The following TBC1D32 variants were observed in gnomAD, a reference collection of about 807,000 sequenced individuals.
The protein encoded by TBC1D32 is protein broad-minded.
Under a neutral mutation model 170.3 loss-of-function variants are expected in TBC1D32, and 151 were observed. The ratio of observed to expected loss-of-function variants is 0.89; its 90% confidence interval spans 0.78 to 1.01. TBC1D32 has a LOEUF of 1.01. Among genes scored for constraint, TBC1D32 ranks in the 50% least tolerant of loss-of-function variants. The pLI is 0.00. For missense variants in TBC1D32, 1,464 were observed against 1,457.1 expected, an observed-to-expected ratio of 1.00 and a Z score of -0.08; for synonymous variants, 498 against 488.0, an observed-to-expected ratio of 1.02 and a Z score of -0.27.
At chr6:121,212,152 G>GC (rs996679220) in intron 21 of TBC1D32, among the ~76,000 whole-genome samples, 3 of 151,738 alleles carry the variant, frequency 2.0e-5, no homozygotes, top group African/African-American at 7.3e-5. Flanking sequence ...GGACACATAT[G>GC]CCCCCCCAAG....
At chr6:121,229,669 G>A (rs1036809704) in intron 20 of TBC1D32, among the ~76,000 whole-genome samples, 3 of 152,028 alleles carry the variant, frequency 2.0e-5, no homozygotes, top group Non-Finnish European at 4.4e-5. Context: ...AAATGATGAC[G>A]TTCTACTTCC....
At chr6:121,298,334 A>G (rs1231603454) in intron 10 of TBC1D32, among the ~76,000 whole-genome samples, 1 of 152,090 alleles carries the variant, frequency 6.6e-6, no homozygotes, top group Non-Finnish European at 1.5e-5. Flanking sequence ...AAGTCAAGGT[A>G]TAGTTAACTT....
At chr6:121,187,757 A>C (rs950105906) in intron 22 of TBC1D32, among the ~76,000 whole-genome samples, 2 of 19,122 alleles carry the variant, frequency 1.0e-4, no homozygotes, top group African/African-American at 1.7e-4. Flanking sequence ...TCAGGGCCAA[A>C]AAAAAAAAAA....
At chr6:121,124,694 C>T (rs1171030363) in intron 26 of TBC1D32, among the ~76,000 whole-genome samples, 2 of 151,930 alleles carry the variant, frequency 1.3e-5, no homozygotes, top group African/African-American at 4.8e-5. Flanking sequence ...GTTATATATC[C>T]TATAAGCTTT....
intron 22 of TBC1D32, among the ~76,000 whole-genome samples, chr6:121,181,625 G>A (rs1188113698): frequency 2.0e-5 from 3 of 151,920 alleles, no homozygotes; most frequent in Non-Finnish European, 4.4e-5. Context: ...CCACTGCTGG[G>A]TATATATGCA....
intron 20 of TBC1D32, among the ~76,000 whole-genome samples, chr6:121,235,738 A>G (rs535855785): frequency 6.6e-6 from 1 of 152,286 alleles, no homozygotes; most frequent in Non-Finnish European, 1.5e-5. Context: ...TGCAGCAGTG[A>G]TCCAGTTCCT....
chr6:121,091,987 T>A (rs984503048), intron 30 of TBC1D32, among the ~76,000 whole-genome samples: 5 of 152,094 alleles, frequency 3.3e-5, no homozygotes, highest in African/African-American at 1.2e-4. Flanking sequence ...GCAATATGTA[T>A]CTGCAAGCTA....
intron 24 of TBC1D32, among the ~76,000 whole-genome samples, chr6:121,148,391 G>C (rs1300575880): frequency 6.6e-6 from 1 of 152,076 alleles, no homozygotes; most frequent in Non-Finnish European, 1.5e-5. Context: ...ATCACTGATG[G>C]GCATTTGGGT....
At chr6:121,228,736 A>C (rs1005869927) in intron 20 of TBC1D32, among the ~76,000 whole-genome samples, 8 of 152,100 alleles carry the variant, frequency 5.3e-5, no homozygotes, top group African/African-American at 1.9e-4. Context: ...ACCGAGTATA[A>C]TATTCTATAA....
At chr6:121,156,800 A>G (rs767132565) in intron 24 of TBC1D32, among the ~76,000 whole-genome samples, 3 of 151,974 alleles carry the variant, frequency 2.0e-5, no homozygotes, top group Non-Finnish European at 4.4e-5. Flanking sequence ...TAGTTGTTTA[A>G]TTTCCATGTT....
intron 26 of TBC1D32, among the ~76,000 whole-genome samples, chr6:121,122,868 A>G (rs1472167400): frequency 2.0e-5 from 3 of 152,052 alleles, no homozygotes; most frequent in Admixed American, 1.3e-4. Context: ...AGTGTTCTGC[A>G]TGGAAAGAAA....
chr6:121,156,562 G>T (rs1281082756), intron 24 of TBC1D32, among the ~76,000 whole-genome samples: 1 of 151,508 alleles, frequency 6.6e-6, no homozygotes, highest in Non-Finnish European at 1.5e-5. Context: ...TGCTAACTCT[G>T]GAGTCAGGTG....
intron 26 of TBC1D32, among the ~76,000 whole-genome samples, chr6:121,121,457 T>C (rs1780256381): frequency 6.6e-6 from 1 of 152,062 alleles, no homozygotes; most frequent in Non-Finnish European, 1.5e-5. Context: ...AGATGATCTG[T>C]TATCAGTAGT....
chr6:121,204,669 G>C (rs1222603236), intron 22 of TBC1D32, among the ~76,000 whole-genome samples: 2 of 151,346 alleles, frequency 1.3e-5, no homozygotes, highest in African/African-American at 4.9e-5. Flanking sequence ...AAGTTGAAAA[G>C]TAATGATTAA....
rs1183352436 is a variant in TBC1D32 at position 121,161,004 on chromosome 6, T to C, written c.2623A>G (p.Ile875Val). 6.2e-7 allele frequency: 1 copy of C among 1,613,910 alleles called. No homozygotes were observed. Among genetic ancestry groups the C allele is most frequent in the East Asian group, 2.2e-5 (1 of 44,854 alleles). The change falls in exon 23 of 32, where the codon ATA becomes GTA. Residue 875 changes from isoleucine (I) to valine (V), a missense_variant. Ile to Val is a conservative substitution (Grantham distance 29). This residue lies in a region of TBC1D32 where 1,363 missense variants were observed against 1,338.1 expected (regional missense o/e 1.02). Coordinates refer to ENST00000398212, the MANE Select transcript of TBC1D32 (RefSeq NM_152730.6). ...SVERNHVLVR[I>V]NLVGGPLERI... ...TCCAATGGCCCACCAACAAGATTTA[T>C]TCTAACAAGAACATGATTTCTCTCC...
chr6:121,096,059 T>C (rs1358151251), intron 30 of TBC1D32: 1 of 152,120 alleles, frequency 6.6e-6, no homozygotes, highest in Non-Finnish European at 1.5e-5. Flanking sequence ...ATTGGTCTGG[T>C]TCTGGACTTT....
chr6:121,258,155 A>C (rs540147833), intron 15 of TBC1D32, among the ~76,000 whole-genome samples: 1 of 152,124 alleles, frequency 6.6e-6, no homozygotes, highest in South Asian at 2.1e-4. Flanking sequence ...GTTCCTTATG[A>C]CATTACTATA....
chr6:121,304,902 C>G, intron 5 of TBC1D32, 69 bp from the exon 6 acceptor site: 1 of 1,026,754 alleles, frequency 9.7e-7, no homozygotes, highest in Admixed American at 2.3e-5. Flanking sequence ...AAACATTTTT[C>G]ACACAGTAAA....
At chr6:121,191,652 T>C (rs1263755399) in intron 22 of TBC1D32, among the ~76,000 whole-genome samples, 1 of 151,792 alleles carries the variant, frequency 6.6e-6, no homozygotes, top group Non-Finnish European at 1.5e-5. Flanking sequence ...TAGTTGGAGC[T>C]TTTGTAAACA....
Sources: gnomAD v4.1 joint callset for allele counts (sites outside exome capture counted in the v4.1 genomes callset) on GRCh38, gnomAD v4.1.1 for gene constraint, gnomAD v4.1.1 regional missense constraint, MANE v1.5 for transcripts, NCBI Gene and HGNC (gene_info 2026-07-23, HGNC 2026-07-21) for gene names.